The following DLGAP4 variants were observed in gnomAD, a reference collection of about 807,000 sequenced individuals.
DLGAP4 encodes the protein DLG associated protein 4, also known as disks large-associated protein 4.
In DLGAP4, 18 loss-of-function variants were observed where a neutral mutation model predicts 86.9. The ratio of observed to expected loss-of-function variants is 0.21; its 90% CI spans 0.14 to 0.31. DLGAP4 has a LOEUF of 0.31. Among genes scored for constraint, DLGAP4 ranks in the 10% least tolerant of loss-of-function variants. The pLI is 1.00. For missense variants in DLGAP4, 1,085 were observed against 1,362.6 expected (o/e 0.80, Z 3.21); for synonymous variants, 548 against 574.3 (o/e 0.95, Z 0.65).
chr20:36,485,898 G>T (rs756017362), intron 7 of DLGAP4, among the ~76,000 whole-genome samples: 1 of 152,118 alleles, frequency 6.6e-6, no homozygotes, highest in Non-Finnish European at 1.5e-5. Flanking sequence ...GCTCCGTGCC[G>T]AGGGTTTGTT....
intron 1 of DLGAP4, among the ~76,000 whole-genome samples, chr20:36,362,884 C>T (rs1485724583): frequency 6.6e-6 from 1 of 152,104 alleles, no homozygotes; most frequent in African/African-American, 2.4e-5. Flanking sequence ...TTCATTTGAG[C>T]CTCACAACCA....
chr20:36,340,429 T>C (rs1446868100), intron 1 of DLGAP4, among the ~76,000 whole-genome samples: 2 of 151,972 alleles, frequency 1.3e-5, no homozygotes, highest in African/African-American at 4.8e-5. Flanking sequence ...CTCCAGTGAC[T>C]CACCCTCTCC....
intron 11 of DLGAP4, among the ~76,000 whole-genome samples, chr20:36,525,216 CAAAAAAAAAAAAAAAAAAAAAA>C (rs1159616185): frequency 8.8e-4 from 25 of 28,506 alleles, no homozygotes; most frequent in South Asian, 4.8e-3. Context: ...GACTCCGTCT[CAAAAAAAAAAAAAAAAAAAAAA>C]AAAAAAAAAA....
At chr20:36,519,227 C>T (rs1026754310) in intron 10 of DLGAP4, among the ~76,000 whole-genome samples, 2 of 152,004 alleles carry the variant, frequency 1.3e-5, no homozygotes, top group African/African-American at 4.8e-5. Context: ...TGCAGTGAGC[C>T]GTGATGGCAC....
intron 11 of DLGAP4, 137 bp from the exon 12 acceptor site, chr20:36,525,714 T>G (rs2037710060): frequency 8.6e-7 from 1 of 1,157,970 alleles, no homozygotes; most frequent in African/African-American, 1.5e-5. Context: ...TTCATACAGA[T>G]ACTTACCCAG....
At chr20:36,340,828 C>A (rs1015471577) in intron 1 of DLGAP4, among the ~76,000 whole-genome samples, 1 of 152,176 alleles carries the variant, frequency 6.6e-6, no homozygotes, top group Admixed American at 6.5e-5. Flanking sequence ...TGCGATCCAG[C>A]GGGTGGAGGG....
intron 10 of DLGAP4, among the ~76,000 whole-genome samples, chr20:36,522,033 T>TATCA (rs1400364539): frequency 6.6e-6 from 1 of 152,122 alleles, no homozygotes; most frequent in Non-Finnish European, 1.5e-5. Flanking sequence ...GGAAGAGTTC[T>TATCA]ATCAGGATTT....
chr20:36,315,887 G>A (rs2065094828), intron 1 of DLGAP4, among the ~76,000 whole-genome samples: 1 of 152,206 alleles, frequency 6.6e-6, no homozygotes, highest in Admixed American at 6.5e-5. Context: ...TCAGTCTGTG[G>A]CCTCACTCTG....
At chr20:36,525,812 C>G in intron 11 of DLGAP4, 39 bp from the exon 12 acceptor site, 1 of 1,608,020 alleles carries the variant, frequency 6.2e-7, no homozygotes, top group Non-Finnish European at 8.5e-7. Flanking sequence ...GGACAAGCCT[C>G]TGCTGAGCTG....
chr20:36,373,073 A>G (rs2031007450), intron 2 of DLGAP4, among the ~76,000 whole-genome samples: 1 of 152,196 alleles, frequency 6.6e-6, no homozygotes, highest in African/African-American at 2.4e-5. Flanking sequence ...AAGAGTAGTC[A>G]TTAAACTGTT....
intron 1 of DLGAP4, among the ~76,000 whole-genome samples, chr20:36,366,784 TG>T (rs1044033300): frequency 2.6e-5 from 4 of 152,118 alleles, no homozygotes; most frequent in Admixed American, 6.5e-5. Context: ...CCGACTGCTG[TG>T]GGGATTCTGT....
intron 2 of DLGAP4, among the ~76,000 whole-genome samples, chr20:36,423,545 C>T (rs1291295509): frequency 1.3e-5 from 2 of 151,218 alleles, no homozygotes; most frequent in Non-Finnish European, 1.5e-5. Context: ...CAGCATTCCT[C>T]ACCTGGAAGC....
At chr20:36,336,957 T>C (rs542909113) in intron 1 of DLGAP4, among the ~76,000 whole-genome samples, 2 of 152,058 alleles carry the variant, frequency 1.3e-5, no homozygotes, top group East Asian at 1.9e-4. Flanking sequence ...CGCACACCTC[T>C]CCCTCCTCCT....
intron 7 of DLGAP4, among the ~76,000 whole-genome samples, chr20:36,462,792 G>A (rs1444115009): frequency 6.6e-6 from 1 of 152,238 alleles, no homozygotes; most frequent in Non-Finnish European, 1.5e-5. Flanking sequence ...CCTGCTCTGA[G>A]GCTTCTGCTT....
At position 36,350,152 on chromosome 20, in the gene DLGAP4, C is replaced by T. The variant is rs1232603052; in HGVS notation, c.-303-16893C>T. Among the ~76,000 whole-genome samples the T allele has an allele frequency of 6.6e-6, 1 of 152,240 alleles. No individual in the cohort carries two copies. The highest frequency in any genetic ancestry group is 1.9e-4 in the East Asian group (1 of 5,198). ...GCCATGGGGACAGGACGGGGATCTG[C>T]ACAGGGACCCAGAAGGCTGGCGGGT... On this transcript the variant is annotated intron_variant, in intron 1 of 12. Coordinates refer to ENST00000339266, the MANE Select transcript of DLGAP4 (RefSeq NM_001365621.2). This position sits in a 1 kb window ranked among gnomAD's most constrained non-coding sequence, Gnocchi z 4.4.
chr20:36,391,646 G>A (rs2031786609), intron 2 of DLGAP4, among the ~76,000 whole-genome samples: 1 of 152,192 alleles, frequency 6.6e-6, no homozygotes, highest in Non-Finnish European at 1.5e-5. Flanking sequence ...TGGTGTCTCA[G>A]ATGAGTCACT....
chr20:36,518,786 T>C (rs775537289), intron 10 of DLGAP4, among the ~76,000 whole-genome samples: 1 of 151,936 alleles, frequency 6.6e-6, no homozygotes, highest in African/African-American at 2.4e-5. Flanking sequence ...CTGGGAAACA[T>C]AGCAGGACCT....
intron 7 of DLGAP4, among the ~76,000 whole-genome samples, chr20:36,477,409 A>G (rs1322271286): frequency 1.3e-5 from 2 of 152,238 alleles, no homozygotes; most frequent in Non-Finnish European, 2.9e-5. Context: ...CTCCAAGTTA[A>G]TGCACAATGC....
intron 2 of DLGAP4, among the ~76,000 whole-genome samples, chr20:36,376,254 G>A (rs182796002): frequency 2.0e-4 from 31 of 152,234 alleles, no homozygotes; most frequent in Admixed American, 5.2e-4. Flanking sequence ...AAGGCAGGTG[G>A]ATCACCTGAG....
Sources: allele counts gnomAD v4.1 joint callset (sites outside exome capture counted in the v4.1 genomes callset), GRCh38; gene constraint gnomAD v4.1.1; non-coding constraint Gnocchi (gnomAD v3.1); transcripts MANE v1.5; gene names NCBI Gene and HGNC (gene_info 2026-07-23, HGNC 2026-07-21).